The following THUMPD2 variants were observed in gnomAD, a reference collection of about 807,000 sequenced individuals.
The protein encoded by THUMPD2 is U6 snRNA (guanine-N(2))-methyltransferase THUMPD2.
THUMPD2 carries 56 observed loss-of-function variants against 49.4 expected under a neutral mutation model. That is an observed-to-expected ratio of 1.13 (90% CI 0.91 to 1.41). The LOEUF (loss-of-function observed/expected upper bound fraction) is 1.41, where lower values mean the gene tolerates loss of function less well. Among genes scored for constraint, THUMPD2 ranks in the 40% most tolerant of loss-of-function variants. The pLI, the probability that THUMPD2 is intolerant of heterozygous loss-of-function variation, is 0.00. For synonymous variants in THUMPD2, 237 were observed against 205.2 expected, an observed-to-expected ratio of 1.15 and a Z score of -1.32; for missense variants, 709 against 594.5, an observed-to-expected ratio of 1.19 and a Z score of -2.00.
chr2:39,769,050 T>G (rs761317124), intron 3 of THUMPD2: 25 of 1,304,658 alleles, frequency 1.9e-5, no homozygotes, highest in Non-Finnish European at 2.5e-5. Flanking sequence ...AGACCTCATG[T>G]GCATTTGCAG....
chr2:39,777,763 C>G (rs1360334709), intron 1 of THUMPD2, among the ~76,000 whole-genome samples: 1 of 152,148 alleles, frequency 6.6e-6, no homozygotes, highest in Non-Finnish European at 1.5e-5. Context: ...CTCCCACTGT[C>G]AAAAAGTTTT....
chr2:39,768,287 A>G (rs1677825437), intron 4 of THUMPD2, 137 bp downstream of exon 4: 1 of 714,424 alleles, frequency 1.4e-6, no homozygotes, highest in Non-Finnish European at 2.4e-6. Flanking sequence ...ACTGCTAAAG[A>G]TAAAATGGAC....
chr2:39,768,714 G>T, intron 3 of THUMPD2: 1 of 666,988 alleles, frequency 1.5e-6, no homozygotes, highest in Non-Finnish European at 2.5e-6. Flanking sequence ...ACACCCCATG[G>T]CATTAATGTC....
In THUMPD2 at chr2:39,736,753, C is replaced by T. The variant is rs147766550; in HGVS notation, c.1494G>A (p.Ser498=). The change falls in exon 10 of 10, where the codon TCG becomes TCA. Residue 498 remains serine, a synonymous_variant. Coordinates refer to ENST00000505747, the MANE Select transcript of THUMPD2 (RefSeq NM_025264.5). Reference sequence around the variant, plus strand: ...AAGCCTGCTACAGTCCAGAAGAGTGCGACTTCTTATATTTACATATGAACG... The same window carrying T: ...AAGCCTGCTACAGTCCAGAAGAGTGTGACTTCTTATATTTACATATGAACG... ...TDAFICKYKK[S]HSSGL The T allele has an allele frequency of 1.5e-4, 241 of 1,613,618 alleles. No homozygotes were observed. The highest frequency in any genetic ancestry group is 2.1e-4 in the African/African-American group (16 of 74,870).
chr2:39,765,412 C>T (rs1213415567), intron 5 of THUMPD2, among the ~76,000 whole-genome samples: 4 of 152,050 alleles, frequency 2.6e-5, no homozygotes, highest in East Asian at 1.9e-4. Context: ...CCTGCCTCGG[C>T]GTCCCAAAGT....
chr2:39,766,730 G>A (rs1448525540), intron 4 of THUMPD2, among the ~76,000 whole-genome samples: 3 of 152,100 alleles, frequency 2.0e-5, no homozygotes, highest in Non-Finnish European at 2.9e-5. Flanking sequence ...TTTAAATGCT[G>A]TTATGAACCT....
chr2:39,769,949 T>G lies in THUMPD2; in HGVS notation c.433A>C (p.Lys145Gln). 1.3e-6 allele frequency: 2 copies of G among 1,577,848 alleles called. No individual in the cohort carries two copies. Among genetic ancestry groups the G allele is most frequent in the Non-Finnish European group, 1.7e-6 (2 of 1,170,158 alleles). Residue 145 changes from lysine to glutamine, a missense_variant, in exon 3 of 10, where the codon AAG becomes CAG. Physicochemically the swap from Lys to Gln is moderately conservative, Grantham distance 53 (BLOSUM62 1). Coordinates refer to ENST00000505747, the MANE Select transcript of THUMPD2 (RefSeq NM_025264.5). ...TGCATTTGTTCTATTTTTAATTTCTTTGCAATGATTTCATTTTCTCCCACT... is the reference window on the plus strand; with the variant it reads ...TGCATTTGTTCTATTTTTAATTTCTGTGCAATGATTTCATTTTCTCCCACT... ...RKVGENEIIA[K>Q]KLKIEQMQKI...
intron 6 of THUMPD2, among the ~76,000 whole-genome samples, chr2:39,756,650 A>T (rs1234237984): frequency 6.6e-6 from 1 of 152,060 alleles, no homozygotes; most frequent in South Asian, 2.1e-4. Context: ...AGGAAAGAGG[A>T]GGTGGTTAAG....
Position 39,779,146 on chromosome 2 carries a change from G to T in THUMPD2, c.94C>A (p.Arg32=). 1 of 1,519,962 alleles carries T rather than the reference G, an allele frequency of 6.6e-7. No individual in the cohort carries two copies. 94.2% of individuals were successfully genotyped at this position (1,519,962 alleles called of 1,614,324 possible). A position where few individuals can be genotyped will look rare whatever the true frequency, so the allele number is the denominator to read the frequency against. ...AGRGLEPFVM[R]EVRARLAATQ... ...GCCGCCAGCCGCGCCCGCACCTCTC[G>T]CATTACGAACGGCTCCAGGCCGCGA... is the stretch of plus-strand genomic sequence containing the variant. Residue 32 remains arginine (R), a synonymous_variant, in exon 1 of 10, where the codon CGA becomes AGA. Coordinates refer to ENST00000505747, the MANE Select transcript of THUMPD2 (RefSeq NM_025264.5).
chr2:39,768,936 T>C (rs1177401582), intron 3 of THUMPD2: 2 of 1,303,728 alleles, frequency 1.5e-6, no homozygotes, highest in East Asian at 1.1e-4. Context: ...GTTGATAAAG[T>C]ATTCAGACCA....
At chr2:39,770,968 G>C (rs1678234400) in intron 2 of THUMPD2, among the ~76,000 whole-genome samples, 1 of 152,038 alleles carries the variant, frequency 6.6e-6, no homozygotes, top group African/African-American at 2.4e-5. Flanking sequence ...TGTTGTTTTA[G>C]CAGCATATTT....
chr2:39,769,561 G>T, intron 3 of THUMPD2, 149 bp downstream of exon 3: 1 of 665,056 alleles, frequency 1.5e-6, no homozygotes, highest in Non-Finnish European at 2.3e-6. Context: ...AATTAGCTGG[G>T]TGTGGTGACG....
At chr2:39,771,959 C>T (rs1328702252) in intron 1 of THUMPD2, among the ~76,000 whole-genome samples, 1 of 152,096 alleles carries the variant, frequency 6.6e-6, no homozygotes, top group Non-Finnish European at 1.5e-5. Flanking sequence ...AACATATATC[C>T]TGAATAATAA....
rs187810041 is a variant in THUMPD2, at chr2:39,755,121, T to C, written c.1078+174A>G. Among the ~76,000 whole-genome samples, 266 of 151,956 alleles carry C rather than the reference T, an allele frequency of 1.8e-3. 2 individuals are homozygous for C. The highest frequency in any genetic ancestry group is 6.1e-3 in the African/African-American group (251 of 41,314). On this transcript the variant is annotated intron_variant, in intron 8 of 9. Coordinates refer to ENST00000505747, the MANE Select transcript of THUMPD2 (RefSeq NM_025264.5). ...CTATAGAATTGTTGCTTCCCAATTA[T>C]GAACACTTTGAAAATAAAAAGGTTA...
chr2:39,736,722 G>T lies in THUMPD2; in HGVS notation c.*13C>A. 1 of 1,605,410 alleles carries T rather than the reference G, an allele frequency of 6.2e-7. No homozygotes were observed. The highest frequency in any genetic ancestry group is 1.1e-5 in the South Asian group (1 of 90,374). Reference sequence around the variant, plus strand: ...TTACAAGGGCCTGAACCCGGCTGATGGCAGCAAGCCTGCTACAGTCCAGAA... The same window carrying T: ...TTACAAGGGCCTGAACCCGGCTGATTGCAGCAAGCCTGCTACAGTCCAGAA... On this transcript the variant is annotated 3_prime_UTR_variant, in exon 10 of 10. Transcript: ENST00000505747.
chr2:39,737,077 T>A lies in THUMPD2; in HGVS notation c.1188-18A>T, dbSNP rs376792801. 305 of 1,563,822 alleles carry A rather than the reference T, an allele frequency of 2.0e-4. 1 individual carries two copies. The African/African-American group carries it at 3.7e-3, about 19-fold the overall frequency. ...GAAGCACTCTGTGACAAAAAAAAAA[T>A]GGTAATTGCTATCTTTCTCCTTTCT... On this transcript the variant is annotated intron_variant, in intron 9 of 9. Coordinates refer to ENST00000505747, the MANE Select transcript of THUMPD2 (RefSeq NM_025264.5).
rs527797608 is a variant in THUMPD2, at chr2:39,771,656, C to A, written c.127-16G>T. 5 of 1,597,736 alleles carry A rather than the reference C, an allele frequency of 3.1e-6. No homozygotes were observed. The highest frequency in any genetic ancestry group is 1.4e-5 in the African/African-American group (1 of 73,798). On this transcript the variant is annotated splice_polypyrimidine_tract_variant and intron_variant, in intron 1 of 9. Transcript: ENST00000505747. ...TATATTCAACCTAGAAATAGAAAAA[C>A]AGCTTTTAATGTAGTCCAGTGTCAG...
Position 39,769,912 on chromosome 2 carries a change from T to C in THUMPD2, c.470A>G (p.Glu157Gly), listed in dbSNP as rs762353588. The C allele has an allele frequency of 6.3e-7, 1 of 1,584,346 alleles. No individual in the cohort carries two copies. Among genetic ancestry groups the C allele is most frequent in the Non-Finnish European group, 8.5e-7 (1 of 1,172,498 alleles). The change falls in exon 3 of 10, where the codon GAG becomes GGG. Residue 157 changes from glutamate to glycine, a missense_variant. Coordinates refer to ENST00000505747, the MANE Select transcript of THUMPD2 (RefSeq NM_025264.5). ...LKIEQMQKIE[E>G]NRDCQLEKQI... ...TTTTTCCAGCTGGCAGTCCCTATTCTCTTCTATCTTTTGCATTTGTTCTAT... is the reference window on the plus strand; with the variant it reads ...TTTTTCCAGCTGGCAGTCCCTATTCCCTTCTATCTTTTGCATTTGTTCTAT...
chr2:39,777,216 C>G (rs1191717031), intron 1 of THUMPD2, among the ~76,000 whole-genome samples: 1 of 152,214 alleles, frequency 6.6e-6, no homozygotes. Flanking sequence ...TAGCTATCAT[C>G]TCTATTTTAC....
Sources: allele counts gnomAD v4.1 joint callset (sites outside exome capture counted in the v4.1 genomes callset), GRCh38; gene constraint gnomAD v4.1.1; transcripts MANE v1.5; gene names NCBI Gene and HGNC (gene_info 2026-07-23, HGNC 2026-07-21).